Variants in ANO8 observed in about 807,000 individuals in gnomAD.
The protein encoded by ANO8 is anoctamin-8.
Under a neutral mutation model 120.4 loss-of-function variants are expected in ANO8, and 67 were observed. The observed-to-expected ratio is 0.56, with a 90% confidence interval of 0.46 to 0.68. ANO8 has a LOEUF of 0.68. Among genes scored for constraint, ANO8 ranks in the 30% least tolerant of loss-of-function variants. The probability of loss-of-function intolerance (pLI) is 0.00; values close to 1 mark genes in which losing one functional copy is unlikely to be tolerated. For missense variants in ANO8, 1,526 were observed against 1,737.6 expected (o/e 0.88, Z 2.16); for synonymous variants, 727 against 759.2 (o/e 0.96, Z 0.70).
Position 17,329,841 on chromosome 19 carries a change from G to A in ANO8, c.1330-10C>T, listed in dbSNP as rs764351709. The A allele has an allele frequency of 5.0e-6, 8 of 1,613,908 alleles. No individual in the cohort carries two copies. The highest frequency in any genetic ancestry group is 5.1e-6 in the Non-Finnish European group (6 of 1,179,890). On this transcript the variant is annotated splice_polypyrimidine_tract_variant and intron_variant, in intron 11 of 17. Coordinates refer to ENST00000159087, the MANE Select transcript of ANO8 (RefSeq NM_020959.3). ...AGTTGACAAACTGGAACTGCAGGAA[G>A]GAGGCAGGCGGTGGTCATCCTGCAC...
rs1300086352 is a variant in ANO8, at chr19:17,328,919, T to A, written c.1469A>T (p.His490Leu). The change falls in exon 13 of 18, where the codon CAC (histidine) becomes CTC (leucine). Residue 490 changes from histidine to leucine, a missense_variant. Coordinates refer to ENST00000159087, the MANE Select transcript of ANO8 (RefSeq NM_020959.3). ...GCCGCGGCCCAGGCGCCGGTACAGG[T>A]GCGGCTGCAGGACCTCGCGCACGTT... is the stretch of plus-strand genomic sequence containing the variant. Reference protein sequence around the residue: ...LQNVREVLQPHLYRRLGRGEL... With the variant: ...LQNVREVLQPLLYRRLGRGEL... 3.3e-6 allele frequency: 5 copies of A among 1,511,818 alleles called. No individual in the cohort carries two copies. The highest frequency in any genetic ancestry group is 2.6e-6 in the Non-Finnish European group (3 of 1,133,056). The allele number at this position is 1,511,818 out of a possible 1,614,324, so 93.7% of individuals were successfully genotyped here.
At chr19:17,327,188 C>G in intron 16 of ANO8, 47 bp downstream of exon 16, 1 of 1,447,276 alleles carries the variant, frequency 6.9e-7, no homozygotes, top group Middle Eastern at 2.5e-4. Flanking sequence ...AGAGATCCAC[C>G]AGCAGCCCCA....
chr19:17,326,578 G>A (rs2074274900), intron 16 of ANO8, among the ~76,000 whole-genome samples: 1 of 152,164 alleles, frequency 6.6e-6, no homozygotes. Context: ...AGCCACGCGA[G>A]GCTCTGTTCA....
intron 12 of ANO8, 99 bp from the exon 13 acceptor site, chr19:17,329,082 G>T (rs1217652500): frequency 2.2e-5 from 21 of 961,598 alleles, no homozygotes; most frequent in Non-Finnish European, 2.9e-5. Context: ...GGAGCACCGT[G>T]CCCAGACACA....
At chr19:17,329,388 C>G (rs530962611) in intron 12 of ANO8, 1 of 365,570 alleles carries the variant, frequency 2.7e-6, no homozygotes, top group African/African-American at 2.1e-5. Flanking sequence ...CGAGGACCCA[C>G]GGGCTCGCCA....
chr19:17,331,006 A>C lies in ANO8; in HGVS notation c.832-17T>G. The C allele has an allele frequency of 6.2e-7, 1 of 1,614,116 alleles. No homozygotes were observed. Among genetic ancestry groups the C allele is most frequent in the Non-Finnish European group, 8.5e-7 (1 of 1,179,948 alleles). On this transcript the variant is annotated splice_polypyrimidine_tract_variant and intron_variant, in intron 7 of 17. Transcript: ENST00000159087. ...CCGGCTTGTCTGTGAGTGGCAGAGA[A>C]GAGTTGAGTCATTGTTTGTGCCAGT...
chr19:17,332,893 C>G, intron 5 of ANO8, 37 bp downstream of exon 5: 1 of 1,610,316 alleles, frequency 6.2e-7, no homozygotes, highest in Non-Finnish European at 8.5e-7. Flanking sequence ...CCACCCAACT[C>G]TCTGCCTGTG....
chr19:17,329,596 G>C, intron 12 of ANO8, 161 bp downstream of exon 12: 1 of 627,434 alleles, frequency 1.6e-6, no homozygotes, highest in Non-Finnish European at 2.8e-6. Context: ...GACAGGCAGA[G>C]AGAGGACGCA....
chr19:17,331,229 A>G lies in ANO8; in HGVS notation c.704-14T>C. 6.2e-7 allele frequency: 1 copy of G among 1,614,160 alleles called. No individual in the cohort carries two copies. Among genetic ancestry groups the G allele is most frequent in the Non-Finnish European group, 8.5e-7 (1 of 1,180,028 alleles). Reference sequence around the variant, plus strand: ...CACAGATGTCATCTGCCAGGGGACAAGTGGGTCTCAGTCACCCCCTGCCTG... The same window carrying G: ...CACAGATGTCATCTGCCAGGGGACAGGTGGGTCTCAGTCACCCCCTGCCTG... On this transcript the variant is annotated splice_polypyrimidine_tract_variant and intron_variant, in intron 6 of 17. Transcript: ENST00000159087.
chr19:17,333,823 C>T lies in ANO8; in HGVS notation c.107-23G>A, dbSNP rs1478028165. 3.2e-6 allele frequency: 5 copies of T among 1,555,660 alleles called. No individual in the cohort carries two copies. The South Asian group carries it at 3.5e-5, about 11-fold the overall frequency. ...TATCTAGGGGGCGGCGTAGCAGGCC[C>T]GGGTCAGGCCACTCTGGGATCCGGA... On this transcript the variant is annotated intron_variant, in intron 1 of 17. Transcript: ENST00000159087. This position sits in a 1 kb window ranked among gnomAD's most constrained non-coding sequence, Gnocchi z 7.2.
In ANO8 at chr19:17,333,928, C is replaced by A; in HGVS notation, c.107-128G>T. On this transcript the variant is annotated intron_variant, in intron 1 of 17. Coordinates refer to ENST00000159087, the MANE Select transcript of ANO8 (RefSeq NM_020959.3). The surrounding 1 kb of genome is among the most constrained non-coding windows in gnomAD (Gnocchi z 7.2). ...CCTGGCATTCAAGGCCCCGGGAGCT[C>A]TGGGCTTGGCTTATTTTCCTCCCTC... 1.3e-6 allele frequency: 1 copy of A among 744,990 alleles called. No individual in the cohort carries two copies. Among genetic ancestry groups the A allele is most frequent in the Non-Finnish European group, 2.3e-6 (1 of 443,018 alleles). 46.1% of individuals were successfully genotyped at this position (744,990 alleles called of 1,614,324 possible).
At chr19:17,329,892 C>T in intron 11 of ANO8, 61 bp from the exon 12 acceptor site, 1 of 1,613,738 alleles carries the variant, frequency 6.2e-7, no homozygotes, top group Admixed American at 1.7e-5. Flanking sequence ...TGGAGCCTTC[C>T]TTGTGCCCCA....
intron 17 of ANO8, among the ~76,000 whole-genome samples, chr19:17,324,195 T>C (rs1252429633): frequency 1.9e-5 from 2 of 103,764 alleles, no homozygotes; most frequent in Non-Finnish European, 4.0e-5. Flanking sequence ...CAGGCTGGGA[T>C]TGGGGCAGGG....
At chr19:17,331,972 G>T (rs866372556) in intron 5 of ANO8, among the ~76,000 whole-genome samples, 6 of 102,262 alleles carry the variant, frequency 5.9e-5, no homozygotes, top group Admixed American at 1.3e-4. Flanking sequence ...GTCTAGCTGT[G>T]TCACCAGGCT....
In ANO8 at chr19:17,328,972, C is replaced by T. The variant is rs1412695165; in HGVS notation, c.1416G>A (p.Thr472=). 1 of 1,497,944 alleles carries T rather than the reference C, an allele frequency of 6.7e-7. No individual in the cohort carries two copies. The highest frequency in any genetic ancestry group is 2.1e-5 in the Admixed American group (1 of 46,814). The allele number at this position is 1,497,944 out of a possible 1,614,324, so 92.8% of individuals were successfully genotyped here. ...GGAGGAACTGGCGGGTGATCAGCAG[C>T]GTGGCCAGCATCTGGGGGCAGGAAG... ...DMERLKEMLA[T]LLITRQFLQN... is the part of the protein sequence containing the mutation. Residue 472 remains threonine (T), a synonymous_variant, in exon 13 of 18, where the codon ACG becomes ACA. Coordinates refer to ENST00000159087, the MANE Select transcript of ANO8 (RefSeq NM_020959.3).
intron 16 of ANO8, 40 bp from the exon 17 acceptor site, chr19:17,325,426 G>A: frequency 6.6e-7 from 1 of 1,522,508 alleles, no homozygotes; most frequent in Non-Finnish European, 8.8e-7. Context: ...TAAGAAGAAA[G>A]GGTGTTAGCG....
In ANO8 at chr19:17,334,611, C is replaced by T; in HGVS notation, c.60G>A (p.Arg20=). ...GTSLEGERGK[R]PPPEGEPAAP... ...CTGCAGGCTCGCCCTCCGGCGGGGGCCTCTTGCCACGCTCGCCCTCCAGGG... is the reference window on the plus strand; with the variant it reads ...CTGCAGGCTCGCCCTCCGGCGGGGGTCTCTTGCCACGCTCGCCCTCCAGGG... Residue 20 remains arginine (R), a synonymous_variant, in exon 1 of 18, where the codon AGG becomes AGA. Transcript: ENST00000159087. 1 of 1,534,810 alleles carries T rather than the reference C, an allele frequency of 6.5e-7. No homozygotes were observed. Among genetic ancestry groups the T allele is most frequent in the Non-Finnish European group, 8.7e-7 (1 of 1,149,272 alleles).
At position 17,325,344 on chromosome 19, in the gene ANO8, G is replaced by A. The variant is rs772973024; in HGVS notation, c.2704C>T (p.Arg902Cys). The change falls in exon 17 of 18, where the codon CGC (arginine) becomes TGC (cysteine). Residue 902 changes from arginine (R) to cysteine (C), a missense_variant. Coordinates refer to ENST00000159087, the MANE Select transcript of ANO8 (RefSeq NM_020959.3). ...QAQHRYQQQQ[R>C]RRREEEERQR... Reference sequence around the variant, plus strand: ...CGCTCCTCCTCCTCCCGCCGCCTGCGCTGCTGCTGCTGGTAGCGATGCTGG... The same window carrying A: ...CGCTCCTCCTCCTCCCGCCGCCTGCACTGCTGCTGCTGGTAGCGATGCTGG... 6.3e-6 allele frequency: 10 copies of A among 1,597,770 alleles called. No homozygotes were observed. Among genetic ancestry groups the A allele is most frequent in the African/African-American group, 1.3e-5 (1 of 74,816 alleles).
chr19:17,330,798 C>A, intron 8 of ANO8, 30 bp downstream of exon 8: 3 of 1,603,712 alleles, frequency 1.9e-6, no homozygotes, highest in Non-Finnish European at 2.6e-6. Context: ...TGTCCTGTCT[C>A]CATGACCCTG....
Sources: allele counts gnomAD v4.1 joint callset (sites outside exome capture counted in the v4.1 genomes callset), GRCh38; gene constraint gnomAD v4.1.1; non-coding constraint Gnocchi (gnomAD v3.1); transcripts MANE v1.5; gene names NCBI Gene and HGNC (gene_info 2026-07-23, HGNC 2026-07-21).